BMS1: variants seen among roughly 807,000 people sequenced by gnomAD.
BMS1 encodes the protein ribosome biogenesis protein BMS1 homolog.
BMS1 carries 53 observed loss-of-function variants against 138.7 expected under a neutral mutation model. The ratio of observed to expected loss-of-function variants is 0.38; its 90% CI spans 0.31 to 0.48. The LOEUF is 0.48. Among genes scored for constraint, BMS1 ranks in the 20% least tolerant of loss-of-function variants. The probability of loss-of-function intolerance (pLI) is 0.97; values close to 1 mark genes in which losing one functional copy is unlikely to be tolerated. For missense variants in BMS1, 1,360 were observed against 1,565.5 expected, an observed-to-expected ratio of 0.87 and a Z score of 2.22; for synonymous variants, 504 against 539.9, an observed-to-expected ratio of 0.93 and a Z score of 0.92.
chr10:42,806,745 A>T (rs2132341552), intron 13 of BMS1, among the ~76,000 whole-genome samples: 1 of 151,986 alleles, frequency 6.6e-6, no homozygotes, highest in African/African-American at 2.4e-5. Flanking sequence ...AGGAAAAAAA[A>T]AAAAAAAAAA....
rs3180998 is a variant in BMS1 at position 42,820,416 on chromosome 10, T to C, written c.2761T>C (p.Tyr921His). ...GLGNSEGNVG[Y>H]VQMRLKKHRW... ...GGGCAACAGTGAGGGAAATGTTGGCTACGTGCAGGTGGGTCCCTTTGCTAC... is the reference window on the plus strand; with the variant it reads ...GGGCAACAGTGAGGGAAATGTTGGCCACGTGCAGGTGGGTCCCTTTGCTAC... Residue 921 changes from tyrosine (Y) to histidine (H), a missense_variant, in exon 16 of 23, where the codon TAC becomes CAC. By Grantham distance (83) the Tyr-to-His change is moderately conservative. Transcript: ENST00000374518. 5 of 1,613,668 alleles carry C rather than the reference T, an allele frequency of 3.1e-6. No individual in the cohort carries two copies. The highest frequency in any genetic ancestry group is 4.2e-6 in the Non-Finnish European group (5 of 1,179,810).
intron 15 of BMS1, 91 bp from the exon 16 acceptor site, chr10:42,820,145 C>G: frequency 6.7e-7 from 1 of 1,484,978 alleles, no homozygotes; most frequent in East Asian, 2.3e-5. Context: ...TCCACAGTTC[C>G]TTTACTTAGA....
rs568964255 is a variant in BMS1 at position 42,830,396 on chromosome 10, G to A, written c.3592G>A (p.Val1198Ile). Residue 1198 changes from valine to isoleucine, a missense_variant, in exon 22 of 23, where the codon GTC becomes ATC. Around this residue, in one of 3 missense-constraint regions of BMS1, gnomAD observed 425 missense variants for 568.3 expected, o/e 0.75. Coordinates refer to ENST00000374518, the MANE Select transcript of BMS1 (RefSeq NM_014753.4). The stretch of plus-strand genomic sequence containing the variant: ...GCCAAAGGACAGGCGGAGACCGGCC[G>A]TCATACGCGAGCCTCATGAAAGAAA... Reference protein sequence around the residue: ...KVPKDRRRPAVIREPHERKIL... With the variant: ...KVPKDRRRPAIIREPHERKIL... 1.4e-4 allele frequency: 229 copies of A among 1,610,898 alleles called. 3 individuals carry two copies. In the South Asian group the frequency reaches 2.2e-3, roughly 16 times the overall value.
At chr10:42,795,490 T>G (rs538922061) in intron 9 of BMS1, among the ~76,000 whole-genome samples, 77 of 151,796 alleles carry the variant, frequency 5.1e-4, no homozygotes, top group African/African-American at 1.5e-3. Context: ...TAGCTAATTT[T>G]TTTTTTTTTT....
rs1341725090 is a variant in BMS1, at chr10:42,817,356, C to G, written c.2442C>G (p.Asp814Glu). Residue 814 changes from aspartate (D) to glutamate (E), a missense_variant, in exon 15 of 23, where the codon GAC becomes GAG. Asp to Glu is a conservative substitution (Grantham distance 45). Around this residue, in one of 3 missense-constraint regions of BMS1, gnomAD observed 697 missense variants for 686.2 expected, o/e 1.02. Coordinates refer to ENST00000374518, the MANE Select transcript of BMS1 (RefSeq NM_014753.4). ...AGAAAGAAGTTAAGGAAGAAATTGA[C>G]CCCGACGAAGAAGAAAGTGCCAAGA... is the stretch of plus-strand genomic sequence containing the variant. ...DIEKEVKEEI[D>E]PDEEESAKKK... 6.2e-7 allele frequency: 1 copy of G among 1,607,032 alleles called. No homozygotes were observed. Among genetic ancestry groups the G allele is most frequent in the African/African-American group, 1.3e-5 (1 of 74,488 alleles).
At chr10:42,788,683 A>G (rs1395572464) in intron 4 of BMS1, among the ~76,000 whole-genome samples, 1 of 152,118 alleles carries the variant, frequency 6.6e-6, no homozygotes, top group Non-Finnish European at 1.5e-5. Flanking sequence ...AGAGATGCCC[A>G]TTATGTAAAT....
At chr10:42,797,295 G>A in intron 10 of BMS1, 64 bp downstream of exon 10, 1 of 1,578,020 alleles carries the variant, frequency 6.3e-7, no homozygotes. Flanking sequence ...CCAAAGGAAT[G>A]TCTACATTTA....
chr10:42,787,236 G>A lies in BMS1; in HGVS notation c.436G>A (p.Val146Ile), dbSNP rs774809970. ...DINMMIDLAK[V>I]ADLVLMLIDA... is the part of the protein sequence containing the mutation. ...TAACATGATGATTGATCTGGCTAAA[G>A]TAGCAGATCTGGTAAGTGAGCAGGG... The change falls in exon 4 of 23, where the codon GTA becomes ATA. Residue 146 changes from valine (V) to isoleucine (I), a missense_variant. This residue lies in a region of BMS1 where 238 missense variants were observed against 311.1 expected (regional missense o/e 0.77). Coordinates refer to ENST00000374518, the MANE Select transcript of BMS1 (RefSeq NM_014753.4). 1.5e-5 allele frequency: 20 copies of A among 1,303,406 alleles called. No individual in the cohort carries two copies. The highest frequency in any genetic ancestry group is 2.2e-5 in the Non-Finnish European group (20 of 916,956). 80.7% of individuals were successfully genotyped at this position (1,303,406 alleles called of 1,614,324 possible). A position where few individuals can be genotyped will look rare whatever the true frequency, so the allele number is the denominator to read the frequency against.
chr10:42,793,759 T>C, intron 8 of BMS1, 93 bp from the exon 9 acceptor site: 1 of 1,406,068 alleles, frequency 7.1e-7, no homozygotes, highest in South Asian at 1.4e-5. Context: ...TTAGGAAATG[T>C]GTCTAAGATA....
At chr10:42,801,396 T>A (rs1841872167) in intron 12 of BMS1, among the ~76,000 whole-genome samples, 2 of 152,218 alleles carry the variant, frequency 1.3e-5, no homozygotes, top group African/African-American at 4.8e-5. Context: ...AGTTAAAGAT[T>A]TTTTTCCCTT....
chr10:42,821,896 G>T (rs1269609298), intron 18 of BMS1, among the ~76,000 whole-genome samples, 166 bp from the exon 19 acceptor site: 1 of 152,082 alleles, frequency 6.6e-6, no homozygotes, highest in Non-Finnish European at 1.5e-5. Context: ...TTAAAGTTTT[G>T]GATTGCTTTT....
intron 17 of BMS1, 62 bp downstream of exon 17, chr10:42,820,750 A>C (rs3982209): frequency 7.0e-6 from 11 of 1,562,684 alleles, no homozygotes; most frequent in Non-Finnish European, 9.6e-6. Context: ...CTGCGTTATT[A>C]TAGCTTTGTG....
chr10:42,802,186 A>ATC lies in BMS1; in HGVS notation c.2298_2299insCT (p.Lys767LeufsTer8). The ATC allele has an allele frequency of 6.2e-6, 10 of 1,613,696 alleles. No homozygotes were observed. Among genetic ancestry groups the ATC allele is most frequent in the Non-Finnish European group, 8.5e-6 (10 of 1,179,762 alleles). ...TTCGTGACTGGAAAGTGGGAAGATG[A>ATC]TAAAGATGCAGCCAAGGTCTTAGCA... is the stretch of plus-strand genomic sequence containing the variant. On this transcript the variant is annotated frameshift_variant, in exon 13 of 23. Transcript: ENST00000374518. LOFTEE classifies it high-confidence loss of function.
chr10:42,812,882 TAAAAG>T (rs1431724818), intron 13 of BMS1, among the ~76,000 whole-genome samples: 1 of 152,186 alleles, frequency 6.6e-6, no homozygotes, highest in African/African-American at 2.4e-5. Context: ...TTCTGGCTGA[TAAAAG>T]AACTAGCCAG....
At chr10:42,810,951 T>C (rs1193831679) in intron 13 of BMS1, among the ~76,000 whole-genome samples, 1 of 152,204 alleles carries the variant, frequency 6.6e-6, no homozygotes, top group Admixed American at 6.5e-5. Context: ...TTATTAATTT[T>C]GTTGATTCTA....
At position 42,796,932 on chromosome 10, in the gene BMS1, TGGA is replaced by T. The variant is rs758580246; in HGVS notation, c.1690_1692del (p.Glu564del). On this transcript the variant is annotated inframe_deletion, in exon 10 of 23. Coordinates refer to ENST00000374518, the MANE Select transcript of BMS1 (RefSeq NM_014753.4). ...AATTGCCAGAGTGACCGTGTGAATC[TGGA>T]GAAGTCTTTGCTGATGAAGAAAGCA... The T allele has an allele frequency of 6.2e-7, 1 of 1,614,240 alleles. No individual in the cohort carries two copies. The highest frequency in any genetic ancestry group is 1.1e-5 in the South Asian group (1 of 91,086).
At chr10:42,820,479 T>C (rs1842474677) in intron 16 of BMS1, 29 bp from the exon 17 acceptor site, 1 of 1,611,244 alleles carries the variant, frequency 6.2e-7, no homozygotes, top group Non-Finnish European at 8.5e-7. Flanking sequence ...TTCCCCTCCA[T>C]CAATCATCTT....
intron 13 of BMS1, among the ~76,000 whole-genome samples, chr10:42,807,761 A>C (rs1046271620): frequency 4.6e-5 from 7 of 152,198 alleles, no homozygotes; most frequent in Admixed American, 3.3e-4. Context: ...TACTATGAAC[A>C]CTTGTATAGA....
At position 42,831,514 on chromosome 10, in the gene BMS1, T is replaced by A. The variant is rs1382390316; in HGVS notation, c.*418T>A. Reference sequence around the variant, plus strand: ...TTCCAGAAGAGAAAGAAATATTCACTTGAACTCTGAGCTCCCATGGAAGAT... The same window carrying A: ...TTCCAGAAGAGAAAGAAATATTCACATGAACTCTGAGCTCCCATGGAAGAT... On this transcript the variant is annotated 3_prime_UTR_variant, in exon 23 of 23. Coordinates refer to ENST00000374518, the MANE Select transcript of BMS1 (RefSeq NM_014753.4). 2 of 174,264 alleles carry A rather than the reference T, an allele frequency of 1.1e-5. No homozygotes were observed. Among genetic ancestry groups the A allele is most frequent in the Non-Finnish European group, 2.5e-5 (2 of 80,764 alleles). 10.8% of individuals were successfully genotyped at this position (174,264 alleles called of 1,614,324 possible).
Sources: gnomAD v4.1 joint callset for allele counts (sites outside exome capture counted in the v4.1 genomes callset) on GRCh38, gnomAD v4.1.1 for gene constraint, gnomAD v4.1.1 regional missense constraint, MANE v1.5 for transcripts, NCBI Gene and HGNC (gene_info 2026-07-23, HGNC 2026-07-21) for gene names.